The following SLC39A9 variants were observed in gnomAD, a reference collection of about 807,000 sequenced individuals.
SLC39A9 encodes solute carrier family 39 member 9, also known as zinc transporter ZIP9.
A neutral mutation model predicts 28.4 loss-of-function variants in SLC39A9; 14 were observed. The observed-to-expected ratio is 0.49, with a 90% CI of 0.33 to 0.77. SLC39A9 has a LOEUF of 0.77. Ranked by LOEUF, SLC39A9 falls within the 30% of genes least tolerant of loss-of-function variation. SLC39A9 has a pLI of 0.02. For missense variants in SLC39A9, 283 were observed against 381.1 expected (o/e 0.74, Z 2.14); for synonymous variants, 119 against 149.6 (o/e 0.80, Z 1.49).
intron 2 of SLC39A9, among the ~76,000 whole-genome samples, chr14:69,441,239 C>T (rs1885036883): frequency 1.3e-5 from 2 of 152,126 alleles, no homozygotes; most frequent in African/African-American, 4.8e-5. Context: ...CATAATTGCA[C>T]CACTGCTGTA....
intron 1 of SLC39A9, among the ~76,000 whole-genome samples, chr14:69,405,129 A>G (rs1482624562): frequency 3.3e-5 from 5 of 152,194 alleles, no homozygotes; most frequent in Non-Finnish European, 7.3e-5. Flanking sequence ...CAAGAACAGC[A>G]TGACCTCCCA....
chr14:69,409,048 G>GT (rs1883098712), intron 1 of SLC39A9, among the ~76,000 whole-genome samples: 2 of 152,204 alleles, frequency 1.3e-5, no homozygotes, highest in Non-Finnish European at 2.9e-5. Flanking sequence ...CTCAAGTTTA[G>GT]TAAGTACAAA....
chr14:69,454,942 A>T (rs749193171), intron 5 of SLC39A9, 45 bp downstream of exon 5: 2 of 1,451,698 alleles, frequency 1.4e-6, no homozygotes, highest in Non-Finnish European at 9.6e-7. Flanking sequence ...GTGTATTCAT[A>T]ATTAAAATTT....
In SLC39A9 at chr14:69,399,082, C is replaced by T. The variant is rs2232052; in HGVS notation, c.-288C>T. On this transcript the variant is annotated 5_prime_UTR_variant, in exon 1 of 7. Coordinates refer to ENST00000336643, the MANE Select transcript of SLC39A9 (RefSeq NM_018375.5). ...CGCACATTTTCCCCATTGACTTTTC[C>T]CATCTCTGTTAACCCACGAGAATCT... 7.5e-4 allele frequency: 274 copies of T among 363,578 alleles called. 2 individuals are homozygous for T. The highest frequency in any genetic ancestry group is 1.2e-3 in the Non-Finnish European group (237 of 202,030). 22.5% of individuals were successfully genotyped at this position (363,578 alleles called of 1,614,324 possible).
Position 69,461,738 on chromosome 14 carries a change from GC to G in SLC39A9, c.*3149del, listed in dbSNP as rs1303728993. Reference sequence around the variant, plus strand: ...ACACACCAGCATCGGAGTGTATTAAGCCCCTGAAACACATGGTAGCTAGGGA... The same window carrying G: ...ACACACCAGCATCGGAGTGTATTAAGCCCTGAAACACATGGTAGCTAGGGA... On this transcript the variant is annotated 3_prime_UTR_variant, in exon 7 of 7. Coordinates refer to ENST00000336643, the MANE Select transcript of SLC39A9 (RefSeq NM_018375.5). 12 of 1,535,564 alleles carry G rather than the reference GC, an allele frequency of 7.8e-6. No homozygotes were observed. In the South Asian group the frequency reaches 1.3e-4, roughly 17 times the overall value.
chr14:69,412,390 AAAATAAATAAATAAATAAAT>A (rs201794769), intron 1 of SLC39A9, among the ~76,000 whole-genome samples: 108 of 142,260 alleles, frequency 7.6e-4, no homozygotes, highest in African/African-American at 2.7e-3. Flanking sequence ...CTCCATCTCA[AAAATAAATAAATAAATAAAT>A]AAATAAATAA....
rs1256108058 is a variant in SLC39A9, at chr14:69,459,319, A to G, written c.*726A>G. The G allele has an allele frequency of 2.0e-6, 2 of 985,402 alleles. No homozygotes were observed. Among genetic ancestry groups the G allele is most frequent in the East Asian group, 1.1e-4 (1 of 8,814 alleles). The allele number at this position is 985,402 out of a possible 1,614,324, so 61.0% of individuals were successfully genotyped here. The stretch of plus-strand genomic sequence containing the variant: ...AGGAGCTTCTAAAGAGGTGACTGGT[A>G]TTTTGTAGCATTCCTTGTCAAGTTC... On this transcript the variant is annotated 3_prime_UTR_variant, in exon 7 of 7. Coordinates refer to ENST00000336643, the MANE Select transcript of SLC39A9 (RefSeq NM_018375.5).
intron 2 of SLC39A9, among the ~76,000 whole-genome samples, chr14:69,425,074 A>G (rs1486338823): frequency 1.3e-5 from 2 of 152,196 alleles, no homozygotes; most frequent in Non-Finnish European, 2.9e-5. Flanking sequence ...GGATTGCAGA[A>G]GTGTTGCAAG....
rs1885786825 is a variant in SLC39A9 at position 69,454,870 on chromosome 14, T to G, written c.531T>G (p.Ile177Met). Residue 177 changes from isoleucine (I) to methionine (M), a missense_variant, in exon 5 of 7, where the codon ATT becomes ATG. By Grantham distance (10) the Ile-to-Met change is conservative. Coordinates refer to ENST00000336643, the MANE Select transcript of SLC39A9 (RefSeq NM_018375.5). ...ASTSQTSVQL[I>M]VFVAIMLHKA... is the part of the protein sequence containing the mutation. ...CTTCACAGACCAGTGTCCAGTTAAT[T>G]GTGTTTGTGGCAATCATGCTACATA... 6.2e-7 allele frequency: 1 copy of G among 1,613,896 alleles called. No individual in the cohort carries two copies. Among genetic ancestry groups the G allele is most frequent in the South Asian group, 1.1e-5 (1 of 91,052 alleles).
rs1004549741 is a variant in SLC39A9, at chr14:69,458,782, C to T, written c.*189C>T. The T allele has an allele frequency of 1.1e-5, 15 of 1,359,888 alleles. No individual in the cohort carries two copies. The highest frequency in any genetic ancestry group is 1.4e-5 in the African/African-American group (1 of 69,030). 84.2% of individuals were successfully genotyped at this position (1,359,888 alleles called of 1,614,324 possible). A position where few individuals can be genotyped will look rare whatever the true frequency, so the allele number is the denominator to read the frequency against. On this transcript the variant is annotated 3_prime_UTR_variant, in exon 7 of 7. Coordinates refer to ENST00000336643, the MANE Select transcript of SLC39A9 (RefSeq NM_018375.5). ...AGCTTTTAGAGTAGAAACACATTTA[C>T]GTTGCAGTTAGCTATAGACATCCCA...
In SLC39A9 at chr14:69,459,556, G is replaced by GTTTTTTTTTTTTTTTTT. The variant is rs61361699; in HGVS notation, c.*977_*978insTTTTTTTTTTTTTTTTT. 1.3e-6 allele frequency: 1 copy of GTTTTTTTTTTTTTTTTT among 778,680 alleles called. No homozygotes were observed. 48.2% of individuals were successfully genotyped at this position (778,680 alleles called of 1,614,324 possible). A position where few individuals can be genotyped will look rare whatever the true frequency, so the allele number is the denominator to read the frequency against. On this transcript the variant is annotated 3_prime_UTR_variant, in exon 7 of 7. Coordinates refer to ENST00000336643, the MANE Select transcript of SLC39A9 (RefSeq NM_018375.5). ...AAATGTATGGTTGTCCTTTTTTTTT[G>GTTTTTTTTTTTTTTTTT]TTTTTTTTTTTTTTAATTATTTCTC...
intron 3 of SLC39A9, among the ~76,000 whole-genome samples, chr14:69,444,297 T>C (rs948606741): frequency 2.0e-4 from 31 of 152,146 alleles, no homozygotes; most frequent in Non-Finnish European, 4.3e-4. Flanking sequence ...CTACCTGTAC[T>C]CACCTCTATA....
Position 69,461,315 on chromosome 14 carries a change from T to TC in SLC39A9, c.*2726dup, listed in dbSNP as rs1415881888. On this transcript the variant is annotated 3_prime_UTR_variant, in exon 7 of 7. Coordinates refer to ENST00000336643, the MANE Select transcript of SLC39A9 (RefSeq NM_018375.5). Reference sequence around the variant, plus strand: ...AAGTTAAAGAATACTACTGCTCCATTCCCCTCACTTATTCTCCAGTTAATT... The same window carrying TC: ...AAGTTAAAGAATACTACTGCTCCATTCCCCCTCACTTATTCTCCAGTTAATT... The TC allele has an allele frequency of 2.8e-6, 3 of 1,053,378 alleles. No individual in the cohort carries two copies. In the African/African-American group the frequency reaches 5.0e-5, roughly 18 times the overall value. 65.3% of individuals were successfully genotyped at this position (1,053,378 alleles called of 1,614,324 possible). A position where few individuals can be genotyped will look rare whatever the true frequency, so the allele number is the denominator to read the frequency against.
intron 1 of SLC39A9, among the ~76,000 whole-genome samples, chr14:69,400,873 G>A (rs757709762): frequency 9.2e-5 from 14 of 151,720 alleles, no homozygotes; most frequent in Non-Finnish European, 1.8e-4. Flanking sequence ...AAAAACTCAA[G>A]CTGGGTGCGG....
intron 3 of SLC39A9, among the ~76,000 whole-genome samples, chr14:69,453,035 G>A (rs569074209): frequency 6.6e-6 from 1 of 152,268 alleles, no homozygotes; most frequent in East Asian, 1.9e-4. Context: ...AGGGTTTGAA[G>A]CAGAAAGAAA....
intron 1 of SLC39A9, among the ~76,000 whole-genome samples, chr14:69,422,259 TG>T (rs1883941473): frequency 6.6e-6 from 1 of 152,026 alleles, no homozygotes; most frequent in Non-Finnish European, 1.5e-5. Context: ...CTTGTGGTTT[TG>T]TTTATTTTCA....
At chr14:69,415,261 C>G (rs933575967) in intron 1 of SLC39A9, among the ~76,000 whole-genome samples, 9 of 152,300 alleles carry the variant, frequency 5.9e-5, no homozygotes, top group Middle Eastern at 6.8e-3. Context: ...TGTGAGTTTT[C>G]CAGTTGCTCT....
chr14:69,425,513 A>G lies in SLC39A9; in HGVS notation c.205+1311A>G, dbSNP rs188049747. ...GATCCCGGGAATATCTATTTTTAAC[A>G]AGCTGTCTGCAATTCTTATGAAACA... is the stretch of plus-strand genomic sequence containing the variant. On this transcript the variant is annotated intron_variant, in intron 2 of 6. Coordinates refer to ENST00000336643, the MANE Select transcript of SLC39A9 (RefSeq NM_018375.5). Among the ~76,000 whole-genome samples the G allele has an allele frequency of 2.6e-5, 4 of 152,222 alleles. 1 individual carries two copies. In the South Asian group the frequency reaches 8.3e-4, roughly 32 times the overall value.
intron 5 of SLC39A9, among the ~76,000 whole-genome samples, 198 bp from the exon 6 acceptor site, chr14:69,455,534 G>T (rs922171630): frequency 3.9e-5 from 6 of 152,054 alleles, no homozygotes; most frequent in Admixed American, 6.6e-5. Context: ...TGGCCAGGCT[G>T]GTCTCGAACT....
Sources: allele counts gnomAD v4.1 joint callset (sites outside exome capture counted in the v4.1 genomes callset), GRCh38; gene constraint gnomAD v4.1.1; transcripts MANE v1.5; gene names NCBI Gene and HGNC (gene_info 2026-07-23, HGNC 2026-07-21).